The following FKBP5 variants were observed in gnomAD, a reference collection of about 807,000 sequenced individuals.
FKBP5 encodes peptidyl-prolyl cis-trans isomerase FKBP5.
Under a neutral mutation model 50.5 loss-of-function variants are expected in FKBP5, and 23 were observed. The observed-to-expected ratio is 0.46, with a 90% CI of 0.33 to 0.65. The LOEUF (loss-of-function observed/expected upper bound fraction) is 0.65, where lower values mean the gene tolerates loss of function less well. Among genes scored for constraint, FKBP5 ranks in the 30% least tolerant of loss-of-function variants. The probability of loss-of-function intolerance (pLI) is 0.02; values close to 1 mark genes in which losing one functional copy is unlikely to be tolerated. For synonymous variants in FKBP5, 176 were observed against 190.6 expected (o/e 0.92, Z 0.63); for missense variants, 411 against 553.1 (o/e 0.74, Z 2.58).
At chr6:35,718,799 C>A (rs1766556581) in intron 2 of FKBP5, among the ~76,000 whole-genome samples, 1 of 151,916 alleles carries the variant, frequency 6.6e-6, no homozygotes. Flanking sequence ...CAGCCTCTCC[C>A]CTCCCCAGGC....
intron 2 of FKBP5, among the ~76,000 whole-genome samples, chr6:35,699,453 C>A (rs774042289): frequency 6.6e-6 from 1 of 152,112 alleles, no homozygotes. Flanking sequence ...TATCTGGGGA[C>A]GACCAAGGTT....
At chr6:35,714,310 G>A (rs1468594720) in intron 2 of FKBP5, among the ~76,000 whole-genome samples, 3 of 125,268 alleles carry the variant, frequency 2.4e-5, no homozygotes, top group African/African-American at 3.2e-5. Context: ...AAATTAGCCG[G>A]GCGTGGTGGC....
intron 2 of FKBP5, among the ~76,000 whole-genome samples, chr6:35,711,324 A>G (rs1766408173): frequency 6.6e-6 from 1 of 151,754 alleles, no homozygotes; most frequent in Non-Finnish European, 1.5e-5. Flanking sequence ...AAAGAAAAAA[A>G]AAAAAAAAAG....
At chr6:35,708,619 A>G (rs553688677) in intron 2 of FKBP5, among the ~76,000 whole-genome samples, 1 of 151,870 alleles carries the variant, frequency 6.6e-6, no homozygotes, top group East Asian at 1.9e-4. Context: ...CTTGTAACAG[A>G]GATTGTTAGT....
chr6:35,600,371 T>C (rs752278485), intron 5 of FKBP5, among the ~76,000 whole-genome samples: 1 of 151,946 alleles, frequency 6.6e-6, no homozygotes, highest in Non-Finnish European at 1.5e-5. Context: ...TGAGTTGTTA[T>C]TGCGGCACTG....
intron 6 of FKBP5, among the ~76,000 whole-genome samples, chr6:35,594,287 G>C (rs12111391): frequency 6.6e-6 from 1 of 151,816 alleles, no homozygotes; most frequent in African/African-American, 2.4e-5. Flanking sequence ...CCAGGAGTTC[G>C]AGGCTACAGA....
At chr6:35,597,549 T>TG in intron 5 of FKBP5, 145 bp from the exon 6 acceptor site, 1 of 929,582 alleles carries the variant, frequency 1.1e-6, no homozygotes, top group East Asian at 2.8e-5. Flanking sequence ...TGTGTCTTGG[T>TG]GAAGCTTAGT....
upstream of FKBP5, among the ~76,000 whole-genome samples, chr6:35,693,223 C>T (rs1222764458): frequency 3.0e-5 from 4 of 133,988 alleles, no homozygotes; most frequent in South Asian, 2.4e-4. Context: ...AGTGCAGTGG[C>T]GCGATCTCAG....
chr6:35,597,697 T>C (rs1246782648), intron 5 of FKBP5, among the ~76,000 whole-genome samples: 1 of 152,188 alleles, frequency 6.6e-6, no homozygotes, highest in Admixed American at 6.5e-5. Context: ...GTGACAGAAG[T>C]TTCCTCACCT....
At chr6:35,630,214 G>A (rs531061972) in intron 3 of FKBP5, among the ~76,000 whole-genome samples, 2 of 152,128 alleles carry the variant, frequency 1.3e-5, no homozygotes, top group African/African-American at 4.8e-5. Context: ...AAGCGCCAGT[G>A]CTTTTGATAA....
At chr6:35,602,838 G>T (rs916772590) in intron 5 of FKBP5, among the ~76,000 whole-genome samples, 5 of 152,132 alleles carry the variant, frequency 3.3e-5, no homozygotes, top group Non-Finnish European at 1.5e-5. Flanking sequence ...TTATGCAAAT[G>T]ATTTCTTTTG....
Position 35,642,854 on chromosome 6 carries a change from GA to G in FKBP5, c.-19-12del. Reference sequence around the variant, plus strand: ...TTTTAAGTAGAGAACCTGGTAAGAAGAAAAATATTTTAGCTGGGAAAAATAT... The same window carrying G: ...TTTTAAGTAGAGAACCTGGTAAGAAGAAAATATTTTAGCTGGGAAAAATAT... On this transcript the variant is annotated splice_polypyrimidine_tract_variant and intron_variant, in intron 1 of 10. Transcript: ENST00000357266. 1 of 1,578,388 alleles carries G rather than the reference GA, an allele frequency of 6.3e-7. No homozygotes were observed. Among genetic ancestry groups the G allele is most frequent in the Non-Finnish European group, 8.7e-7 (1 of 1,153,750 alleles).
At chr6:35,645,733 T>A (rs1764611756) in intron 1 of FKBP5, among the ~76,000 whole-genome samples, 1 of 152,246 alleles carries the variant, frequency 6.6e-6, no homozygotes, top group South Asian at 2.1e-4. Flanking sequence ...TGCCACTTGC[T>A]TTCAAATCAT....
chr6:35,604,653 A>G (rs1763250795), intron 5 of FKBP5, among the ~76,000 whole-genome samples: 1 of 152,192 alleles, frequency 6.6e-6, no homozygotes, highest in South Asian at 2.1e-4. Context: ...TTTCATTTAT[A>G]AAGAACACAT....
At chr6:35,718,302 A>G (rs1053351202) in intron 2 of FKBP5, among the ~76,000 whole-genome samples, 1 of 152,198 alleles carries the variant, frequency 6.6e-6, no homozygotes, top group Non-Finnish European at 1.5e-5. Flanking sequence ...TGCCTCCCGC[A>G]TGTTCATGGA....
intron 8 of FKBP5, chr6:35,585,627 T>A: frequency 2.1e-6 from 2 of 952,328 alleles, no homozygotes; most frequent in Non-Finnish European, 2.5e-6. Context: ...GTATACATAG[T>A]AAATAATGAT....
chr6:35,709,242 T>C (rs776991162), intron 2 of FKBP5, among the ~76,000 whole-genome samples: 28 of 152,156 alleles, frequency 1.8e-4, no homozygotes, highest in Non-Finnish European at 3.5e-4. Flanking sequence ...ATAGAACCAT[T>C]GGATCTCGTG....
At chr6:35,687,504 T>A (rs1449898713) in intron 1 of FKBP5, among the ~76,000 whole-genome samples, 2 of 152,166 alleles carry the variant, frequency 1.3e-5, no homozygotes, top group Non-Finnish European at 2.9e-5. Flanking sequence ...AAAACCCTTA[T>A]GGAGGAGGTG....
chr6:35,667,884 G>A (rs1212131133), intron 1 of FKBP5, among the ~76,000 whole-genome samples: 1 of 152,160 alleles, frequency 6.6e-6, no homozygotes, highest in African/African-American at 2.4e-5. Flanking sequence ...AGAATCACTT[G>A]AACTCAGGAA....
Sources: allele counts gnomAD v4.1 joint callset (sites outside exome capture counted in the v4.1 genomes callset), GRCh38; gene constraint gnomAD v4.1.1; transcripts MANE v1.5; gene names NCBI Gene and HGNC (gene_info 2026-07-23, HGNC 2026-07-21).